ABI3: variants seen among roughly 807,000 people sequenced by gnomAD.
ABI3 encodes the protein ABI family member 3.
ABI3 carries 24 observed loss-of-function variants against 37.0 expected under a neutral mutation model. That is an observed-to-expected ratio of 0.65 (90% CI 0.47 to 0.91). ABI3 has a LOEUF of 0.91. ABI3 is among the 40% of genes least tolerant of loss of function. ABI3 has a pLI of 0.00. For synonymous variants in ABI3, 220 were observed against 211.8 expected, an observed-to-expected ratio of 1.04 and a Z score of -0.34; for missense variants, 481 against 485.1, an observed-to-expected ratio of 0.99 and a Z score of 0.08.
intron 2 of ABI3, 54 bp downstream of exon 2, chr17:49,216,752 C>A: frequency 7.3e-7 from 1 of 1,371,954 alleles, no homozygotes; most frequent in Non-Finnish European, 9.5e-7. Flanking sequence ...AACTCTTCAG[C>A]CCGACTCAGA....
At chr17:49,220,676 C>T (rs2043275141) in intron 6 of ABI3, among the ~76,000 whole-genome samples, 1 of 151,734 alleles carries the variant, frequency 6.6e-6, no homozygotes, top group South Asian at 2.1e-4. Flanking sequence ...GAAATCCGGT[C>T]TCTACTAAAA....
At chr17:49,221,772 T>G (rs535845142) in intron 6 of ABI3, among the ~76,000 whole-genome samples, 1 of 152,016 alleles carries the variant, frequency 6.6e-6, no homozygotes, top group Non-Finnish European at 1.5e-5. Flanking sequence ...CTGGATGGAG[T>G]GTGTTGGCAA....
At chr17:49,213,977 G>A (rs1219257161) in intron 1 of ABI3, among the ~76,000 whole-genome samples, 1 of 152,226 alleles carries the variant, frequency 6.6e-6, no homozygotes, top group African/African-American at 2.4e-5. Context: ...CTATGCTGAG[G>A]AGATGTAAGT....
chr17:49,222,311 AATCT>A (rs1412587589), intron 7 of ABI3, 86 bp downstream of exon 7: 2 of 1,520,522 alleles, frequency 1.3e-6, no homozygotes, highest in Non-Finnish European at 1.8e-6. Flanking sequence ...CAAAGGTGTG[AATCT>A]ATCCCCCGGG....
rs549272595 is a variant in ABI3 at position 49,222,322 on chromosome 17, C to T, written c.937+97C>T. ...TCTGCAAAGGTGTGAATCTATCCCC[C>T]GGGCCCCCCACACAATTTTTCTGAC... is the stretch of plus-strand genomic sequence containing the variant. On this transcript the variant is annotated intron_variant, in intron 7 of 7. Transcript: ENST00000225941. The T allele has an allele frequency of 3.8e-5, 57 of 1,486,902 alleles. No individual in the cohort carries two copies. In the African/African-American group the frequency reaches 4.2e-4, roughly 11 times the overall value. The allele number at this position is 1,486,902 out of a possible 1,614,324, so 92.1% of individuals were successfully genotyped here. A position where few individuals can be genotyped will look rare whatever the true frequency, so the allele number is the denominator to read the frequency against.
At chr17:49,216,436 C>T in intron 1 of ABI3, 95 bp from the exon 2 acceptor site, 1 of 1,233,324 alleles carries the variant, frequency 8.1e-7, no homozygotes, top group Non-Finnish European at 1.1e-6. Context: ...CCAATCCAGC[C>T]CCTACTTTCC....
At chr17:49,220,381 C>A (rs1160524714) in intron 6 of ABI3, 55 bp downstream of exon 6, 2 of 1,519,798 alleles carry the variant, frequency 1.3e-6, no homozygotes, top group South Asian at 1.3e-5. Context: ...CTGCCTCCTG[C>A]CACTCCCCAG....
intron 1 of ABI3, among the ~76,000 whole-genome samples, chr17:49,211,175 C>T (rs1343438467): frequency 6.6e-6 from 1 of 152,312 alleles, no homozygotes; most frequent in Middle Eastern, 3.4e-3. Flanking sequence ...TCCGTCCTCA[C>T]ACAGATGCTG....
chr17:49,216,775 C>T (rs2043223361), intron 2 of ABI3, 77 bp downstream of exon 2: 5 of 1,326,940 alleles, frequency 3.8e-6, no homozygotes, highest in Non-Finnish European at 3.9e-6. Context: ...TTTTCTACAT[C>T]AAAAGTTCCT....
At position 49,222,743 on chromosome 17, in the gene ABI3, G is replaced by A; in HGVS notation, c.*28G>A. The stretch of plus-strand genomic sequence containing the variant: ...GCCCAGGGCTCTCTGGGCAGCTGAT[G>A]TCTGCACTGAGTGGGTTTCATGAGC... On this transcript the variant is annotated 3_prime_UTR_variant, in exon 8 of 8. Transcript: ENST00000225941. The A allele has an allele frequency of 6.5e-7, 1 of 1,541,494 alleles. No individual in the cohort carries two copies. The highest frequency in any genetic ancestry group is 8.7e-7 in the Non-Finnish European group (1 of 1,144,408).
intron 1 of ABI3, among the ~76,000 whole-genome samples, chr17:49,212,457 C>T (rs1380794962): frequency 1.3e-5 from 2 of 152,150 alleles, no homozygotes; most frequent in Non-Finnish European, 2.9e-5. Flanking sequence ...GGCACAGGGA[C>T]CTTGTAGCAT....
chr17:49,217,651 C>T (rs555809560), intron 2 of ABI3, 88 bp from the exon 3 acceptor site: 1 of 1,302,392 alleles, frequency 7.7e-7, no homozygotes, highest in Non-Finnish European at 1.0e-6. Context: ...CTCCCCCCCC[C>T]AGCCCAGTCT....
chr17:49,215,086 G>A (rs1188944105), intron 1 of ABI3, among the ~76,000 whole-genome samples: 2 of 152,236 alleles, frequency 1.3e-5, no homozygotes, highest in Admixed American at 1.3e-4. Flanking sequence ...CAGTGAAGGC[G>A]TGGGCTGGGG....
At chr17:49,216,468 C>T in intron 1 of ABI3, 63 bp from the exon 2 acceptor site, 1 of 1,383,516 alleles carries the variant, frequency 7.2e-7, no homozygotes, top group Non-Finnish European at 9.4e-7. Flanking sequence ...CCCATCCCAC[C>T]CCAGCCAGCC....
Position 49,219,699 on chromosome 17 carries a change from G to GCCAC in ABI3, c.548+81_548+84dup. 1 of 1,466,674 alleles carries GCCAC rather than the reference G, an allele frequency of 6.8e-7. No individual in the cohort carries two copies. The highest frequency in any genetic ancestry group is 1.2e-5 in the South Asian group (1 of 81,170). The allele number at this position is 1,466,674 out of a possible 1,614,324, so 90.9% of individuals were successfully genotyped here. ...CCTGAAACTCTCCTCCCCCAGCCTC[G>GCCAC]CCACCCACCCCTGGCGCCCCCGGGT... On this transcript the variant is annotated intron_variant, in intron 4 of 7. Coordinates refer to ENST00000225941, the MANE Select transcript of ABI3 (RefSeq NM_016428.3). This position sits in a 1 kb window ranked among gnomAD's most constrained non-coding sequence, Gnocchi z 4.3.
chr17:49,221,266 C>A (rs910408111), intron 6 of ABI3, among the ~76,000 whole-genome samples: 1 of 151,422 alleles, frequency 6.6e-6, no homozygotes, highest in Non-Finnish European at 1.5e-5. Context: ...GTCAGGAGAT[C>A]GAGACCATCC....
rs1358578141 is a variant in ABI3, at chr17:49,220,341, C to T, written c.802+15C>T. The T allele has an allele frequency of 8.3e-6, 13 of 1,560,892 alleles. No individual in the cohort carries two copies. Among genetic ancestry groups the T allele is most frequent in the Middle Eastern group, 2.1e-4 (1 of 4,746 alleles). On this transcript the variant is annotated intron_variant, in intron 6 of 7. Coordinates refer to ENST00000225941, the MANE Select transcript of ABI3 (RefSeq NM_016428.3). The stretch of plus-strand genomic sequence containing the variant: ...ACCCCCACCGGGTAAGGAGGTCCAC[C>T]CTCTTCTTCCCAACCGTGGGGTCGC...
rs779059034 is a variant in ABI3 at position 49,219,655 on chromosome 17, T to C, written c.548+30T>C. On this transcript the variant is annotated intron_variant, in intron 4 of 7. Transcript: ENST00000225941. The surrounding 1 kb of genome is among the most constrained non-coding windows in gnomAD (Gnocchi z 4.3). ...GGCCTCGCCGCGACGCCAACTAGCC[T>C]AGCCCTGCCCCGCGCGACCCTGAAA... 4 of 1,565,392 alleles carry C rather than the reference T, an allele frequency of 2.6e-6. No homozygotes were observed. Among genetic ancestry groups the C allele is most frequent in the Non-Finnish European group, 2.6e-6 (3 of 1,150,716 alleles).
chr17:49,213,169 A>G (rs1159775767), intron 1 of ABI3, among the ~76,000 whole-genome samples: 1 of 152,222 alleles, frequency 6.6e-6, no homozygotes, highest in Non-Finnish European at 1.5e-5. Context: ...CCTTCAGAAG[A>G]GCAGGATAAA....
Sources: allele counts gnomAD v4.1 joint callset (sites outside exome capture counted in the v4.1 genomes callset), GRCh38; gene constraint gnomAD v4.1.1; non-coding constraint Gnocchi (gnomAD v3.1); transcripts MANE v1.5; gene names NCBI Gene and HGNC (gene_info 2026-07-23, HGNC 2026-07-21).